Variants in SEPTIN6 observed in about 807,000 individuals in gnomAD.
The protein encoded by SEPTIN6 is septin-6.
In SEPTIN6, 8 loss-of-function variants were observed where a neutral mutation model predicts 33.6. The ratio of observed to expected loss-of-function variants is 0.24; its 90% CI spans 0.14 to 0.43. SEPTIN6 has a LOEUF of 0.43. Among genes scored for constraint, SEPTIN6 ranks in the 20% least tolerant of loss-of-function variants. The pLI, the probability that SEPTIN6 is intolerant of heterozygous loss-of-function variation, is 1.00. For synonymous variants in SEPTIN6, 131 were observed against 140.0 expected, an observed-to-expected ratio of 0.94 and a Z score of 0.45; for missense variants, 250 against 340.8, an observed-to-expected ratio of 0.73 and a Z score of 2.10.
At chrX:119,690,348 T>TAC (rs1196119691) in intron 1 of SEPTIN6, among the ~76,000 whole-genome samples, 4,752 of 74,867 alleles carry the variant, frequency 0.063, 128 homozygotes, top group Middle Eastern at 0.072. Context: ...TACATACACA[T>TAC]ACACACACAC....
chrX:119,624,197 C>T (rs1282163518), intron 10 of SEPTIN6: 8 of 220,905 alleles, frequency 3.6e-5, no homozygotes, highest in Admixed American at 2.1e-4. Flanking sequence ...TTTTTTGAGA[C>T]GGAGTTTCGC....
chrX:119,629,614 C>T (rs2053924321), intron 8 of SEPTIN6, 106 bp from the exon 9 acceptor site: 4 of 667,117 alleles, frequency 6.0e-6, no homozygotes, highest in Non-Finnish European at 9.2e-6. Flanking sequence ...CCTGCAGGAC[C>T]CTGGAACCTC....
chrX:119,617,109 T>C lies in SEPTIN6; in HGVS notation c.*2984A>G, dbSNP rs1170257136. 3.1e-5 allele frequency: 12 copies of C among 381,496 alleles called. No homozygotes were observed. The East Asian group carries it at 1.6e-3, about 52-fold the overall frequency. 31.4% of individuals were successfully genotyped at this position (381,496 alleles called of 1,213,427 possible). ...TGAGGGATGTGTGTACGTGTGTGTG[T>C]GTGTGTGTGTGTGTGTGTGTGTGTG... On this transcript the variant is annotated 3_prime_UTR_variant, in exon 11 of 11. Coordinates refer to ENST00000394610, the MANE Select transcript of SEPTIN6 (RefSeq NM_145799.4).
chrX:119,621,481 G>A (rs1603320697), intron 10 of SEPTIN6, among the ~76,000 whole-genome samples: 1 of 103,599 alleles, frequency 9.7e-6, no homozygotes, highest in African/African-American at 3.5e-5. Flanking sequence ...GTGTGTGTGT[G>A]TGTGTGTGTG....
intron 8 of SEPTIN6, among the ~76,000 whole-genome samples, chrX:119,632,851 C>T (rs187256159): frequency 8.9e-6 from 1 of 111,834 alleles, no homozygotes; most frequent in African/African-American, 3.2e-5. Context: ...TGGTCTCGAA[C>T]TCCTGACTTC....
At chrX:119,678,475 G>C (rs1356289138) in intron 1 of SEPTIN6, among the ~76,000 whole-genome samples, 2 of 108,192 alleles carry the variant, frequency 1.8e-5, no homozygotes, top group Non-Finnish European at 3.8e-5. Context: ...AGCCGAGATC[G>C]CGCCACTGCA....
intron 7 of SEPTIN6, among the ~76,000 whole-genome samples, chrX:119,635,961 A>G (rs1011325642): frequency 9.0e-6 from 1 of 111,389 alleles, no homozygotes; most frequent in Non-Finnish European, 1.9e-5. Context: ...GGATGGAGTG[A>G]AGGAGGAGGG....
intron 5 of SEPTIN6, among the ~76,000 whole-genome samples, chrX:119,642,172 A>G (rs11796103): frequency 0.3 from 25,000 of 83,742 alleles, 3,523 homozygotes; most frequent in African/African-American, 0.49. Flanking sequence ...AGCAAGACCC[A>G]GTCTCAAAAA....
chrX:119,657,471 A>G lies in SEPTIN6; in HGVS notation c.342-4431T>C, dbSNP rs1334560272. Among the ~76,000 whole-genome samples the G allele has an allele frequency of 9.0e-5, 10 of 110,505 alleles. No individual in the cohort carries two copies. The Admixed American group carries it at 9.7e-4, about 11-fold the overall frequency. ...GCCCCTGACCTCCTTGTCCCCCTCTAGACATGGCCTTGTGTATTTCTCCCA... is the reference window on the plus strand; with the variant it reads ...GCCCCTGACCTCCTTGTCCCCCTCTGGACATGGCCTTGTGTATTTCTCCCA... On this transcript the variant is annotated intron_variant, in intron 3 of 10. Coordinates refer to ENST00000394610, the MANE Select transcript of SEPTIN6 (RefSeq NM_145799.4).
At chrX:119,620,157 G>T in intron 10 of SEPTIN6, 106 bp from the exon 11 acceptor site, 1 of 620,763 alleles carries the variant, frequency 1.6e-6, no homozygotes, top group Non-Finnish European at 2.6e-6. Flanking sequence ...GGCTAAATTA[G>T]AATATAGCTA....
At chrX:119,667,837 C>T (rs975330675) in intron 2 of SEPTIN6, among the ~76,000 whole-genome samples, 2 of 111,117 alleles carry the variant, frequency 1.8e-5, no homozygotes, top group African/African-American at 3.3e-5. Context: ...ACTCCTCCTC[C>T]CCCAGCCCTC....
intron 3 of SEPTIN6, among the ~76,000 whole-genome samples, chrX:119,658,910 T>C (rs975059544): frequency 1.8e-5 from 2 of 112,218 alleles, no homozygotes; most frequent in African/African-American, 6.5e-5. Flanking sequence ...GCAGCAAATA[T>C]CTTCTCCCCA....
rs1490375696 is a variant in SEPTIN6 at position 119,618,716 on chromosome X, G to A, written c.*1377C>T. On this transcript the variant is annotated 3_prime_UTR_variant, in exon 11 of 11. Transcript: ENST00000394610. ...AGCTGTCAGTTAAAATAGGAACCTC[G>A]GCTTAAAAGGCTAAATGGAGTCCAG... 4.2e-6 allele frequency: 5 copies of A among 1,196,729 alleles called. No individual in the cohort carries two copies. Among genetic ancestry groups the A allele is most frequent in the African/African-American group, 3.5e-5 (2 of 56,630 alleles).
chrX:119,642,854 AGCT>A (rs1373687433), intron 5 of SEPTIN6, among the ~76,000 whole-genome samples: 1 of 110,846 alleles, frequency 9.0e-6, no homozygotes, highest in East Asian at 2.8e-4. Context: ...CTCCACTCTC[AGCT>A]GCTATCAGAC....
intron 1 of SEPTIN6, among the ~76,000 whole-genome samples, chrX:119,679,601 T>G (rs963535057): frequency 1.8e-5 from 2 of 111,794 alleles, no homozygotes; most frequent in African/African-American, 6.5e-5. Flanking sequence ...GGCTCACGCC[T>G]GTAATCCCAG....
chrX:119,642,939 G>A (rs1457035071), intron 5 of SEPTIN6, among the ~76,000 whole-genome samples: 1 of 111,241 alleles, frequency 9.0e-6, no homozygotes, highest in African/African-American at 3.3e-5. Flanking sequence ...TGGGAAAGAG[G>A]AGGTTATGGA....
chrX:119,616,358 T>C, downstream of SEPTIN6: 1 of 340,465 alleles, frequency 2.9e-6, no homozygotes, highest in Non-Finnish European at 5.4e-6. Context: ...AAACAAAACC[T>C]TGTGAACAGA....
intron 1 of SEPTIN6, among the ~76,000 whole-genome samples, chrX:119,682,559 T>C (rs993527762): frequency 4.5e-5 from 5 of 111,866 alleles, no homozygotes; most frequent in Middle Eastern, 4.2e-3. Context: ...GCTCTCTTTC[T>C]CTTCTGCCTC....
downstream of SEPTIN6, chrX:119,616,393 A>G: frequency 2.5e-6 from 1 of 404,002 alleles, no homozygotes; most frequent in Admixed American, 3.1e-5. Context: ...CCCACAGCTG[A>G]GGTGTCCTGC....
Sources: gnomAD v4.1 joint callset for allele counts (sites outside exome capture counted in the v4.1 genomes callset) on GRCh38, gnomAD v4.1.1 for gene constraint, MANE v1.5 for transcripts, NCBI Gene and HGNC (gene_info 2026-07-23, HGNC 2026-07-21) for gene names.